Variants in TPTE2 observed in about 807,000 individuals in gnomAD.
The protein encoded by TPTE2 is transmembrane phosphoinositide 3-phosphatase and tensin homolog 2.
Under a neutral mutation model 78.6 loss-of-function variants are expected in TPTE2, and 53 were observed. That is an observed-to-expected ratio of 0.67 (90% CI 0.54 to 0.85). TPTE2 has a LOEUF of 0.85. Ranked by LOEUF, TPTE2 falls within the 40% of genes least tolerant of loss-of-function variation. The pLI, the probability that TPTE2 is intolerant of heterozygous loss-of-function variation, is 0.00. For synonymous variants in TPTE2, 175 were observed against 206.2 expected (o/e 0.85, Z 1.30); for missense variants, 461 against 623.0 (o/e 0.74, Z 2.77).
intron 1 of TPTE2, among the ~76,000 whole-genome samples, chr13:19,533,259 A>G (rs1414243035): frequency 6.6e-6 from 1 of 152,200 alleles, no homozygotes; most frequent in Non-Finnish European, 1.5e-5. Flanking sequence ...AGACAGCTTG[A>G]AGCTATTAGG....
intron 13 of TPTE2, among the ~76,000 whole-genome samples, chr13:19,442,290 T>G (rs1270698687): frequency 1.3e-5 from 2 of 151,204 alleles, no homozygotes; most frequent in Admixed American, 1.3e-4. Context: ...AATACAAAAC[T>G]CTCATATGTT....
At chr13:19,499,362 C>A (rs1320107878) in intron 1 of TPTE2, among the ~76,000 whole-genome samples, 4 of 151,978 alleles carry the variant, frequency 2.6e-5, no homozygotes, top group Admixed American at 2.6e-4. Context: ...CTCAGCACCA[C>A]ACCACACCTA....
At chr13:19,469,579 A>G (rs887369692) in intron 6 of TPTE2, among the ~76,000 whole-genome samples, 4 of 152,180 alleles carry the variant, frequency 2.6e-5, no homozygotes, top group Non-Finnish European at 4.4e-5. Context: ...TCATATTTTG[A>G]CAAGGAGTGC....
intron 6 of TPTE2, among the ~76,000 whole-genome samples, chr13:19,469,476 C>A (rs867621071): frequency 3.3e-5 from 5 of 152,072 alleles, no homozygotes; most frequent in South Asian, 2.1e-4. Context: ...CAGCTTTGTT[C>A]TTTTTGCTTA....
In TPTE2 at chr13:19,451,164, C is replaced by A; in HGVS notation, c.802+1G>T. On this transcript the variant is annotated splice_donor_variant, in intron 11 of 19. Coordinates refer to ENST00000400230, the Ensembl canonical transcript of TPTE2. LOFTEE classifies it high-confidence loss of function. ...AGCAAAATATAGAGTAATGTACATA[C>A]TGCATAGATTGTAGACTCGATAGTG... is the stretch of plus-strand genomic sequence containing the variant. The A allele has an allele frequency of 6.2e-7, 1 of 1,613,324 alleles. No individual in the cohort carries two copies. The highest frequency in any genetic ancestry group is 8.5e-7 in the Non-Finnish European group (1 of 1,179,538).
At chr13:19,503,192 G>C (rs1555254926) in intron 1 of TPTE2, 32 bp downstream of exon 4, 2 of 1,613,088 alleles carry the variant, frequency 1.2e-6, no homozygotes, top group Admixed American at 1.7e-5. Flanking sequence ...GTTATAATTA[G>C]ATAAATAAAG....
intron 15 of TPTE2, among the ~76,000 whole-genome samples, chr13:19,433,955 G>A (rs1876874744): frequency 1.3e-5 from 2 of 152,174 alleles, no homozygotes; most frequent in South Asian, 4.1e-4. Flanking sequence ...CTTAGTTTCT[G>A]CCACTAGATT....
At chr13:19,509,831 A>G (rs796872999) in intron 1 of TPTE2, among the ~76,000 whole-genome samples, 6 of 152,320 alleles carry the variant, frequency 3.9e-5, no homozygotes, top group African/African-American at 1.4e-4. Context: ...TATGTCATTG[A>G]TGATGATTAT....
chr13:19,422,884 T>C, exon 20 of TPTE2: 1 of 514,610 alleles, frequency 1.9e-6, no homozygotes. Context: ...ACATTTTATC[T>C]ATATATATTT....
At chr13:19,458,658 CG>C in intron 10 of TPTE2, 1 of 495,914 alleles carries the variant, frequency 2.0e-6, no homozygotes, top group Non-Finnish European at 4.0e-6. Flanking sequence ...CCCTTTTCCA[CG>C]GTGTGGCACT....
intron 4 of TPTE2, among the ~76,000 whole-genome samples, chr13:19,475,834 T>G (rs557367391): frequency 6.6e-6 from 1 of 152,200 alleles, no homozygotes; most frequent in South Asian, 2.1e-4. Context: ...CAGTAAACTT[T>G]GGATGTTTAG....
chr13:19,473,137 G>C (rs1276218676), intron 6 of TPTE2, among the ~76,000 whole-genome samples: 1 of 152,216 alleles, frequency 6.6e-6, no homozygotes, highest in East Asian at 1.9e-4. Flanking sequence ...CCAATACTGT[G>C]ACTGCATTGG....
chr13:19,472,068 G>C (rs1410552885), intron 6 of TPTE2, among the ~76,000 whole-genome samples: 1 of 152,088 alleles, frequency 6.6e-6, no homozygotes, highest in Non-Finnish European at 1.5e-5. Flanking sequence ...TATATTATTG[G>C]TTTCTTTTCT....
intron 1 of TPTE2, among the ~76,000 whole-genome samples, chr13:19,497,046 C>T (rs1881369112): frequency 6.6e-6 from 1 of 152,128 alleles, no homozygotes; most frequent in Non-Finnish European, 1.5e-5. Context: ...ACAGACGGCA[C>T]CTGGAAAATC....
At chr13:19,446,468 C>T (rs1479595208) in intron 13 of TPTE2, among the ~76,000 whole-genome samples, 1 of 152,110 alleles carries the variant, frequency 6.6e-6, no homozygotes, top group East Asian at 1.9e-4. Context: ...AAAAAAAATA[C>T]TTCCCCCCCA....
At chr13:19,482,820 T>C (rs1880438094) in intron 3 of TPTE2, among the ~76,000 whole-genome samples, 1 of 150,704 alleles carries the variant, frequency 6.6e-6, no homozygotes, top group Non-Finnish European at 1.5e-5. Flanking sequence ...TATAAAGATA[T>C]ATAAAAGAAT....
At chr13:19,437,200 C>T (rs368574780) in intron 14 of TPTE2, among the ~76,000 whole-genome samples, 1 of 152,046 alleles carries the variant, frequency 6.6e-6, no homozygotes, top group Admixed American at 6.6e-5. Context: ...TGAAAAACAC[C>T]ATCCTAGAAC....
At chr13:19,512,032 T>C (rs1001948988) in intron 1 of TPTE2, among the ~76,000 whole-genome samples, 4 of 152,214 alleles carry the variant, frequency 2.6e-5, no homozygotes, top group Non-Finnish European at 5.9e-5. Context: ...AATTAGAAAC[T>C]GAATAATATT....
intron 4 of TPTE2, among the ~76,000 whole-genome samples, chr13:19,481,655 T>C (rs1405693965): frequency 2.0e-5 from 3 of 152,244 alleles, no homozygotes; most frequent in Non-Finnish European, 4.4e-5. Context: ...CTAATTTTGT[T>C]TCGGCCCTGG....
Sources: allele counts gnomAD v4.1 joint callset (sites outside exome capture counted in the v4.1 genomes callset), GRCh38; gene constraint gnomAD v4.1.1; transcripts MANE v1.5; gene names NCBI Gene and HGNC (gene_info 2026-07-23, HGNC 2026-07-21).